Variants in DPYSL5 observed in about 807,000 individuals in gnomAD.
DPYSL5 encodes the protein dihydropyrimidinase-related protein 5.
DPYSL5 carries 9 observed loss-of-function variants against 58.4 expected under a neutral mutation model. That is an observed-to-expected ratio of 0.15 (90% CI 0.09 to 0.27). DPYSL5 has a LOEUF of 0.27. DPYSL5 is among the 10% of genes least tolerant of loss of function. The pLI is 1.00. For synonymous variants in DPYSL5, 293 were observed against 301.9 expected, an observed-to-expected ratio of 0.97 and a Z score of 0.31; for missense variants, 499 against 770.6, an observed-to-expected ratio of 0.65 and a Z score of 4.17.
chr2:26,882,854 A>G (rs921113866), intron 1 of DPYSL5, among the ~76,000 whole-genome samples: 1 of 150,168 alleles, frequency 6.7e-6, no homozygotes, highest in Non-Finnish European at 1.5e-5. Flanking sequence ...CAGAGGTTGC[A>G]GTGAGCCGAT....
intron 1 of DPYSL5, among the ~76,000 whole-genome samples, chr2:26,879,183 G>A (rs1206855097): frequency 6.6e-6 from 1 of 152,166 alleles, no homozygotes; most frequent in African/African-American, 2.4e-5. Context: ...TCCATGTAAT[G>A]GTGAGGTCAT....
intron 2 of DPYSL5, among the ~76,000 whole-genome samples, chr2:26,914,731 T>G (rs896197949): frequency 2.0e-5 from 3 of 152,132 alleles, no homozygotes; most frequent in Non-Finnish European, 4.4e-5. Flanking sequence ...CAGGGCAGGC[T>G]GAAATCAGGG....
rs553901202 is a variant in DPYSL5 at position 26,849,633 on chromosome 2, A to T, written c.-5+1379A>T. ...GCTTTGCCCAGCAGCAGGTGCTGCC[A>T]GGGAGGCGGATCTCCCTTCGGGGAG... On this transcript the variant is annotated intron_variant, in intron 1 of 12. Coordinates refer to ENST00000288699, the MANE Select transcript of DPYSL5 (RefSeq NM_020134.4). The surrounding 1 kb of genome is among the most constrained non-coding windows in gnomAD (Gnocchi z 6.2). Among the ~76,000 whole-genome samples the T allele has an allele frequency of 1.3e-5, 2 of 152,322 alleles. No individual in the cohort carries two copies. Among genetic ancestry groups the T allele is most frequent in the African/African-American group, 4.8e-5 (2 of 41,582 alleles).
rs529740983 is a variant in DPYSL5 at position 26,927,060 on chromosome 2, C to T, written c.421-193C>T. Among the ~76,000 whole-genome samples, 44 of 152,330 alleles carry T rather than the reference C, an allele frequency of 2.9e-4. No individual in the cohort carries two copies. Among genetic ancestry groups the T allele is most frequent in the South Asian group, 2.1e-3 (10 of 4,824 alleles). ...GTGTTGACAATTTTCACAGTACTTC[C>T]GCATCCATCTACTCAGGTGGCCTCA... On this transcript the variant is annotated intron_variant, in intron 3 of 12. Coordinates refer to ENST00000288699, the MANE Select transcript of DPYSL5 (RefSeq NM_020134.4). The surrounding 1 kb of genome is among the most constrained non-coding windows in gnomAD (Gnocchi z 4.3).
chr2:26,933,277 T>C lies in DPYSL5; in HGVS notation c.734T>C (p.Leu245Pro). The change falls in exon 7 of 13, where the codon CTG becomes CCG. Residue 245 changes from leucine (L) to proline (P), a missense_variant. Leu to Pro is a moderately conservative substitution (Grantham distance 98). Around this residue, in one of 3 missense-constraint regions of DPYSL5, gnomAD observed 404 missense variants for 647.6 expected, o/e 0.62. Coordinates refer to ENST00000288699, the MANE Select transcript of DPYSL5 (RefSeq NM_020134.4). This position sits in a 1 kb window ranked among gnomAD's most constrained non-coding sequence, Gnocchi z 4.2. ...GTTTAGACTCACTGTCCAATCTACC[T>C]GGTCAACGTGTCCAGTATCTCGGCT... Reference protein sequence around the residue: ...IANRTHCPIYLVNVSSISAGD... With the variant: ...IANRTHCPIYPVNVSSISAGD... 1 of 1,614,198 alleles carries C rather than the reference T, an allele frequency of 6.2e-7. No homozygotes were observed. The highest frequency in any genetic ancestry group is 8.5e-7 in the Non-Finnish European group (1 of 1,180,006).
intron 1 of DPYSL5, among the ~76,000 whole-genome samples, chr2:26,894,835 G>A (rs1397917701): frequency 6.6e-6 from 1 of 152,212 alleles, no homozygotes; most frequent in East Asian, 1.9e-4. Flanking sequence ...CCAAAGCAGA[G>A]GTCAAGATCT....
chr2:26,931,584 G>A (rs1445903931), intron 5 of DPYSL5, 56 bp from the exon 6 acceptor site: 1 of 1,606,342 alleles, frequency 6.2e-7, no homozygotes, highest in African/African-American at 1.3e-5. Flanking sequence ...TATGGTGTGG[G>A]TATCCTTGGA....
intron 1 of DPYSL5, among the ~76,000 whole-genome samples, chr2:26,860,278 G>A (rs1240957650): frequency 1.3e-5 from 2 of 152,182 alleles, no homozygotes; most frequent in African/African-American, 4.8e-5. Context: ...TGGACAATAT[G>A]ACAATTGGAG....
chr2:26,927,458 A>G lies in DPYSL5; in HGVS notation c.600+26A>G. On this transcript the variant is annotated intron_variant, in intron 4 of 12. Transcript: ENST00000288699. This position sits in a 1 kb window ranked among gnomAD's most constrained non-coding sequence, Gnocchi z 4.3. Reference sequence around the variant, plus strand: ...GCAAGTCTGCAGCCAAGAATATTGGATGGAGGGACACCAGTGGAGACAGTT... The same window carrying G: ...GCAAGTCTGCAGCCAAGAATATTGGGTGGAGGGACACCAGTGGAGACAGTT... 2.5e-6 allele frequency: 4 copies of G among 1,610,426 alleles called. No individual in the cohort carries two copies. The highest frequency in any genetic ancestry group is 3.4e-6 in the Non-Finnish European group (4 of 1,178,252).
chr2:26,881,941 A>C (rs1663575502), intron 1 of DPYSL5, among the ~76,000 whole-genome samples: 1 of 151,876 alleles, frequency 6.6e-6, no homozygotes, highest in Admixed American at 6.6e-5. Flanking sequence ...AATACAAAAA[A>C]TTACCTGGGC....
At chr2:26,872,340 T>C (rs188328642) in intron 1 of DPYSL5, among the ~76,000 whole-genome samples, 393 of 152,300 alleles carry the variant, frequency 2.6e-3, no homozygotes, top group African/African-American at 9.1e-3. Flanking sequence ...CAGATGTAAA[T>C]TTATAATTGG....
intron 2 of DPYSL5, among the ~76,000 whole-genome samples, chr2:26,906,809 G>A (rs1664303771): frequency 6.6e-6 from 1 of 152,198 alleles, no homozygotes; most frequent in South Asian, 2.1e-4. Context: ...CACCCAGGCT[G>A]GAGCGTAGTG....
chr2:26,930,916 G>A (rs989246244), intron 5 of DPYSL5, among the ~76,000 whole-genome samples: 1 of 151,234 alleles, frequency 6.6e-6, no homozygotes, highest in Non-Finnish European at 1.5e-5. Context: ...GGAGCTTGCA[G>A]TGAGCCAAGA....
At position 26,934,654 on chromosome 2, in the gene DPYSL5, C is replaced by G; in HGVS notation, c.867C>G (p.Ser289=). Residue 289 remains serine (S), a synonymous_variant, in exon 8 of 13, where the codon TCC becomes TCG. Transcript: ENST00000288699. This position sits in a 1 kb window ranked among gnomAD's most constrained non-coding sequence, Gnocchi z 4.3. The stretch of plus-strand genomic sequence containing the variant: ...TACACTACTACCACCAGGACTGGTC[C>G]CACGCGGCTGCCTATGTCACGGTGC... ...TGLHYYHQDW[S]HAAAYVTVPP... is the part of the protein sequence containing the mutation. 6.2e-7 allele frequency: 1 copy of G among 1,614,146 alleles called. No homozygotes were observed. Among genetic ancestry groups the G allele is most frequent in the Non-Finnish European group, 8.5e-7 (1 of 1,180,048 alleles).
At chr2:26,853,433 T>C (rs921521402) in intron 1 of DPYSL5, among the ~76,000 whole-genome samples, 1 of 152,212 alleles carries the variant, frequency 6.6e-6, no homozygotes. Flanking sequence ...TTCTGATTAC[T>C]ATGCATTAGG....
chr2:26,934,438 T>A lies in DPYSL5; in HGVS notation c.791-140T>A. On this transcript the variant is annotated intron_variant, in intron 7 of 12. Transcript: ENST00000288699. The surrounding 1 kb of genome is among the most constrained non-coding windows in gnomAD (Gnocchi z 4.3). ...TCTCTGGGCTTGAACCCAGCTGTGC[T>A]CTTAAAAGCCCTGTGAGCTTGGGCA... 3 of 1,010,992 alleles carry A rather than the reference T, an allele frequency of 3.0e-6. No homozygotes were observed. Among genetic ancestry groups the A allele is most frequent in the Non-Finnish European group, 4.3e-6 (3 of 705,394 alleles). The allele number at this position is 1,010,992 out of a possible 1,614,324, so 62.6% of individuals were successfully genotyped here.
At chr2:26,872,420 G>C (rs1037921260) in intron 1 of DPYSL5, among the ~76,000 whole-genome samples, 1 of 152,190 alleles carries the variant, frequency 6.6e-6, no homozygotes, top group African/African-American at 2.4e-5. Flanking sequence ...GGCCAGGCGC[G>C]GTGGCTCACG....
Position 26,932,175 on chromosome 2 carries a change from G to GA in DPYSL5, c.714+494dup, listed in dbSNP as rs1230120291. Among the ~76,000 whole-genome samples the GA allele has an allele frequency of 1.7e-4, 12 of 71,592 alleles. 1 individual carries two copies. Among genetic ancestry groups the GA allele is most frequent in the African/African-American group, 6.0e-4 (12 of 20,036 alleles). The allele number at this position is 71,592 out of a possible 152,430, so 47.0% of individuals were successfully genotyped here. On this transcript the variant is annotated intron_variant, in intron 6 of 12. Transcript: ENST00000288699. The stretch of plus-strand genomic sequence containing the variant: ...AGAAAGAAAGAAAGAAAGAAAGAAA[G>GA]AAAGAAAGAAAGAAAGAAAGAAAGA...
At chr2:26,857,215 A>G (rs970107831) in intron 1 of DPYSL5, among the ~76,000 whole-genome samples, 2 of 152,054 alleles carry the variant, frequency 1.3e-5, no homozygotes, top group African/African-American at 4.8e-5. Flanking sequence ...TCAAATAGCA[A>G]TTTTGAATTG....
Sources: allele counts gnomAD v4.1 joint callset (sites outside exome capture counted in the v4.1 genomes callset), GRCh38; gene constraint gnomAD v4.1.1; regional missense constraint gnomAD v4.1.1; non-coding constraint Gnocchi (gnomAD v3.1); transcripts MANE v1.5; gene names NCBI Gene and HGNC (gene_info 2026-07-23, HGNC 2026-07-21).